The following ARHGAP6 variants were observed in gnomAD, a reference collection of about 807,000 sequenced individuals.
The protein encoded by ARHGAP6 is rho GTPase-activating protein 6.
In ARHGAP6, 16 loss-of-function variants were observed where a neutral mutation model predicts 55.7. The ratio of observed to expected loss-of-function variants is 0.29; its 90% confidence interval spans 0.19 to 0.44. ARHGAP6 has a LOEUF of 0.44. Ranked by LOEUF, ARHGAP6 falls within the 20% of genes least tolerant of loss-of-function variation. The pLI, the probability that ARHGAP6 is intolerant of heterozygous loss-of-function variation, is 1.00. For synonymous variants in ARHGAP6, 382 were observed against 360.9 expected (o/e 1.06, Z -0.66); for missense variants, 698 against 808.9 (o/e 0.86, Z 1.66).
chrX:11,257,260 T>C (rs1203439236), intron 1 of ARHGAP6, among the ~76,000 whole-genome samples: 1 of 112,244 alleles, frequency 8.9e-6, no homozygotes, highest in Non-Finnish European at 1.9e-5. Flanking sequence ...CAGAATTACA[T>C]ACCTATTCTT....
chrX:11,546,039 A>G (rs921305623), intron 1 of ARHGAP6, among the ~76,000 whole-genome samples: 10 of 111,141 alleles, frequency 9.0e-5, no homozygotes, highest in African/African-American at 3.3e-4. Context: ...AAAGAAAAAC[A>G]TGAAAAATGA....
rs749408255 is a variant in ARHGAP6, at chrX:11,254,667, C to T, written c.629G>A (p.Arg210Gln). Residue 210 changes from arginine (R) to glutamine (Q), a missense_variant, in exon 2 of 13, where the codon CGG becomes CAG. Physicochemically the swap from Arg to Gln is conservative, Grantham distance 43. This residue lies in a region of ARHGAP6 where 322 missense variants were observed against 451.1 expected (regional missense o/e 0.71). Transcript: ENST00000337414. Reference sequence around the variant, plus strand: ...ACTCTGGATGGGGACTGACCTCAGCCGTACACTGCGGCCTGACATGCTGTT... The same window carrying T: ...ACTCTGGATGGGGACTGACCTCAGCTGTACACTGCGGCCTGACATGCTGTT... ...TWNSMSGRSV[R>Q]LRSVPIQSLS... 49 of 1,195,130 alleles carry T rather than the reference C, an allele frequency of 4.1e-5. No homozygotes were observed. The Admixed American group carries it at 4.3e-4, about 11-fold the overall frequency.
At position 11,325,836 on chromosome X, in the gene ARHGAP6, T is replaced by A. The variant is rs750691859; in HGVS notation, c.589-71129A>T. The stretch of plus-strand genomic sequence containing the variant: ...ACATTTAGGGATGTCTGGAAACATT[T>A]TTGGTTGTCTCAACTGAGGGGAAGG... On this transcript the variant is annotated intron_variant, in intron 1 of 12. Transcript: ENST00000337414. 2.7e-5 allele frequency among the ~76,000 whole-genome samples: 3 copies of A among 112,019 alleles called. No homozygotes were observed. The South Asian group carries it at 1.1e-3, about 42-fold the overall frequency.
intron 1 of ARHGAP6, among the ~76,000 whole-genome samples, chrX:11,491,820 A>G (rs968844077): frequency 1.8e-5 from 2 of 109,737 alleles, no homozygotes; most frequent in East Asian, 2.9e-4. Context: ...ACTAGTTTAC[A>G]GTCCCACCAA....
intron 1 of ARHGAP6, among the ~76,000 whole-genome samples, chrX:11,366,771 T>A (rs1185754720): frequency 1.2e-4 from 13 of 112,189 alleles, no homozygotes; most frequent in African/African-American, 4.2e-4. Flanking sequence ...TTTAAGTTCT[T>A]TCCTGTGTAA....
intron 1 of ARHGAP6, among the ~76,000 whole-genome samples, chrX:11,432,667 A>C (rs2147790052): frequency 8.9e-6 from 1 of 112,245 alleles, no homozygotes. Flanking sequence ...GATGAAATTA[A>C]GGAAATCAAA....
At chrX:11,162,261 T>C (rs1275117152) in intron 9 of ARHGAP6, among the ~76,000 whole-genome samples, 2 of 108,505 alleles carry the variant, frequency 1.8e-5, no homozygotes, top group African/African-American at 6.7e-5. Context: ...TTATCAACTG[T>C]AGCCATTTTG....
chrX:11,583,108 T>C (rs1035925962), intron 1 of ARHGAP6, among the ~76,000 whole-genome samples: 6 of 112,329 alleles, frequency 5.3e-5, no homozygotes, highest in African/African-American at 1.9e-4. Context: ...TTTAAGGTTT[T>C]CACAGCCAGT....
At chrX:11,431,084 T>C (rs541535473) in intron 1 of ARHGAP6, among the ~76,000 whole-genome samples, 2 of 112,773 alleles carry the variant, frequency 1.8e-5, no homozygotes, top group Middle Eastern at 4.6e-3. Flanking sequence ...AAAACCTCAC[T>C]TCAGAGGAGG....
At chrX:11,334,572 G>A (rs1569304060) in intron 1 of ARHGAP6, 1 of 117,282 alleles carries the variant, frequency 8.5e-6, no homozygotes, top group Non-Finnish European at 1.8e-5. Flanking sequence ...GAGAAGGGTT[G>A]GAATACATGG....
chrX:11,517,865 C>A (rs758803896), intron 1 of ARHGAP6, among the ~76,000 whole-genome samples: 1 of 110,948 alleles, frequency 9.0e-6, no homozygotes, highest in African/African-American at 3.3e-5. Context: ...ATAACTAACG[C>A]ATCCTGGGCT....
At chrX:11,196,333 CATT>C (rs1415176878) in intron 3 of ARHGAP6, among the ~76,000 whole-genome samples, 1 of 110,893 alleles carries the variant, frequency 9.0e-6, no homozygotes, top group East Asian at 2.8e-4. Context: ...AGAGCATCAT[CATT>C]GTCAATGATT....
intron 1 of ARHGAP6, among the ~76,000 whole-genome samples, chrX:11,317,727 A>G (rs1292439564): frequency 8.9e-6 from 1 of 111,920 alleles, no homozygotes; most frequent in African/African-American, 3.3e-5. Context: ...GCCCCACCTT[A>G]GAGCAGGATT....
At chrX:11,197,603 C>G (rs1287236489) in intron 2 of ARHGAP6, among the ~76,000 whole-genome samples, 1 of 112,141 alleles carries the variant, frequency 8.9e-6, no homozygotes, top group Non-Finnish European at 1.9e-5. Flanking sequence ...AGGCTACTTT[C>G]TTTGTGGGGA....
intron 1 of ARHGAP6, among the ~76,000 whole-genome samples, chrX:11,299,448 C>T (rs1231559975): frequency 8.9e-6 from 1 of 111,779 alleles, no homozygotes; most frequent in Admixed American, 9.5e-5. Flanking sequence ...CTTCAAAAAC[C>T]TACAGGAAGA....
chrX:11,299,794 A>G (rs2147576626), intron 1 of ARHGAP6, among the ~76,000 whole-genome samples: 1 of 112,108 alleles, frequency 8.9e-6, no homozygotes, highest in South Asian at 3.7e-4. Context: ...AATGACCAGG[A>G]TAAGAAGCCA....
chrX:11,227,142 T>C (rs2047060976), intron 2 of ARHGAP6, among the ~76,000 whole-genome samples: 1 of 111,645 alleles, frequency 9.0e-6, no homozygotes, highest in South Asian at 3.8e-4. Flanking sequence ...CGTTTGAAAA[T>C]AAAATTTTCA....
intron 1 of ARHGAP6, among the ~76,000 whole-genome samples, chrX:11,392,530 G>GAAGAA (rs1179755373): frequency 8.9e-6 from 1 of 111,812 alleles, no homozygotes; most frequent in African/African-American, 3.2e-5. Flanking sequence ...ATCCTAAAAG[G>GAAGAA]AAGAAAAATA....
chrX:11,354,321 C>A (rs376952758), intron 1 of ARHGAP6, among the ~76,000 whole-genome samples: 751 of 63,748 alleles, frequency 0.012, 6 homozygotes, highest in African/African-American at 0.019. Context: ...CTCTCTCTCT[C>A]TCTCTCTATA....
Sources: gnomAD v4.1 joint callset for allele counts (sites outside exome capture counted in the v4.1 genomes callset) on GRCh38, gnomAD v4.1.1 for gene constraint, gnomAD v4.1.1 regional missense constraint, MANE v1.5 for transcripts, NCBI Gene and HGNC (gene_info 2026-07-23, HGNC 2026-07-21) for gene names.